Variants in ARPP19 observed in about 807,000 individuals in gnomAD.
ARPP19 encodes cAMP-regulated phosphoprotein 19.
In ARPP19, 8 loss-of-function variants were observed where a neutral mutation model predicts 12.0. That is an observed-to-expected ratio of 0.67 (90% confidence interval 0.39 to 1.21). ARPP19 has a LOEUF of 1.21. ARPP19 is among the 50% of genes most tolerant of loss of function. ARPP19 has a pLI of 0.01. For synonymous variants in ARPP19, 47 were observed against 50.4 expected (o/e 0.93, Z 0.29); for missense variants, 102 against 136.3 (o/e 0.75, Z 1.25).
intron 1 of ARPP19, among the ~76,000 whole-genome samples, chr15:52,562,573 G>C (rs960342355): frequency 2.0e-5 from 3 of 152,088 alleles, no homozygotes; most frequent in African/African-American, 7.2e-5. Flanking sequence ...CTGCTTGGGA[G>C]GCTGAGGTGG....
chr15:52,564,589 A>G (rs192914156), intron 1 of ARPP19, among the ~76,000 whole-genome samples: 1 of 152,200 alleles, frequency 6.6e-6, no homozygotes, highest in African/African-American at 2.4e-5. Context: ...TTCCTCTTCT[A>G]CCACTCATAA....
At chr15:52,555,750 T>C (rs2077976156) in intron 2 of ARPP19, among the ~76,000 whole-genome samples, 1 of 152,034 alleles carries the variant, frequency 6.6e-6, no homozygotes, top group South Asian at 2.1e-4. Flanking sequence ...AGCATATTAG[T>C]TTCATTCAAC....
chr15:52,562,109 C>T (rs968593828), intron 1 of ARPP19, among the ~76,000 whole-genome samples: 6 of 152,064 alleles, frequency 3.9e-5, no homozygotes, highest in Non-Finnish European at 5.9e-5. Flanking sequence ...AAAGCAAAAA[C>T]TGACAGAACT....
At chr15:52,568,644 C>A in intron 1 of ARPP19, 1 of 475,442 alleles carries the variant, frequency 2.1e-6, no homozygotes. Context: ...AGGCACGATT[C>A]GGAGTAAACG....
chr15:52,569,260 GCCC>G (rs1268886996), upstream of ARPP19: 25 of 304,626 alleles, frequency 8.2e-5, no homozygotes, highest in Non-Finnish European at 1.5e-4. Flanking sequence ...GCCCCTCCCC[GCCC>G]TTTCCTGTCC....
At chr15:52,554,702 T>A (rs937443038) in intron 2 of ARPP19, among the ~76,000 whole-genome samples, 6 of 152,026 alleles carry the variant, frequency 3.9e-5, no homozygotes, top group African/African-American at 1.2e-4. Flanking sequence ...ACAACTGGAT[T>A]CTCTGTTTTC....
chr15:52,567,070 G>GTCCT (rs1288526625), intron 1 of ARPP19, among the ~76,000 whole-genome samples: 2 of 152,186 alleles, frequency 1.3e-5, no homozygotes, highest in African/African-American at 2.4e-5. Context: ...CCAAATAGAA[G>GTCCT]AAACAGGTGA....
rs2077885613 is a variant in ARPP19, at chr15:52,547,272, C to A, written c.*4662G>T. On this transcript the variant is annotated 3_prime_UTR_variant, in exon 3 of 3. Transcript: ENST00000249822. ...GGTAGATCCATTTATTTTTTAAATA[C>A]AAGTATAATTTTGGAAGGGGTATTT... 1 of 152,020 alleles carries A rather than the reference C, an allele frequency of 6.6e-6. No homozygotes were observed. The highest frequency in any genetic ancestry group is 1.9e-4 in the East Asian group (1 of 5,174). 9.4% of individuals were successfully genotyped at this position (152,020 alleles called of 1,614,324 possible). A position where few individuals can be genotyped will look rare whatever the true frequency, so the allele number is the denominator to read the frequency against.
At position 52,548,914 on chromosome 15, in the gene ARPP19, A is replaced by T. The variant is rs553544109; in HGVS notation, c.*3020T>A. On this transcript the variant is annotated 3_prime_UTR_variant, in exon 3 of 3. Transcript: ENST00000249822. ...TGAAGTAGTAACAAGTAAAGGCTTC[A>T]CCAGGCTTTCCTTGATGAATAGTTA... is the stretch of plus-strand genomic sequence containing the variant. The T allele has an allele frequency of 2.0e-5, 3 of 152,784 alleles. No individual in the cohort carries two copies. The highest frequency in any genetic ancestry group is 7.2e-5 in the African/African-American group (3 of 41,590). The allele number at this position is 152,784 out of a possible 1,614,324, so 9.5% of individuals were successfully genotyped here.
intron 2 of ARPP19, 69 bp from the exon 3 acceptor site, chr15:52,552,173 C>T: frequency 1.2e-6 from 1 of 844,558 alleles, no homozygotes; most frequent in African/African-American, 1.7e-5. Context: ...TCGATGCAAC[C>T]CCATACTGTC....
intron 1 of ARPP19, among the ~76,000 whole-genome samples, chr15:52,562,893 A>T (rs2078048160): frequency 7.5e-6 from 1 of 133,080 alleles, no homozygotes. Context: ...TTTGAGACAG[A>T]GTCTCACTCT....
At chr15:52,568,728 A>AGCCTCGGCCTCATGC (rs1219954627) in intron 1 of ARPP19, 120 bp downstream of exon 1, 3 of 606,500 alleles carry the variant, frequency 4.9e-6, no homozygotes, top group East Asian at 3.5e-5. Context: ...GGGGCGCAGG[A>AGCCTCGGCCTCATGC]GCCTCGGCCT....
chr15:52,567,686 A>C (rs1432130410), intron 1 of ARPP19, among the ~76,000 whole-genome samples: 1 of 152,132 alleles, frequency 6.6e-6, no homozygotes, highest in Non-Finnish European at 1.5e-5. Flanking sequence ...GGTAACTTGG[A>C]CTTTTACCTA....
intron 2 of ARPP19, among the ~76,000 whole-genome samples, chr15:52,555,534 T>C (rs1309219709): frequency 6.6e-6 from 1 of 152,022 alleles, no homozygotes; most frequent in Non-Finnish European, 1.5e-5. Flanking sequence ...TTTAATCATT[T>C]CTCTGCTGTT....
At chr15:52,558,482 A>AAAAAG (rs559673591) in intron 1 of ARPP19, among the ~76,000 whole-genome samples, 30 of 149,082 alleles carry the variant, frequency 2.0e-4, no homozygotes, top group South Asian at 4.2e-4. Context: ...AAAAAAAAAA[A>AAAAAG]AAAGAAAGAA....
chr15:52,558,843 A>C (rs1026564689), intron 1 of ARPP19, among the ~76,000 whole-genome samples: 1 of 150,282 alleles, frequency 6.7e-6, no homozygotes, highest in Non-Finnish European at 1.5e-5. Flanking sequence ...CACGGGGGGG[A>C]AAAAATTACA....
chr15:52,564,132 G>GT (rs1219521726), intron 1 of ARPP19: 17 of 1,239,656 alleles, frequency 1.4e-5, no homozygotes, highest in Non-Finnish European at 1.3e-5. Context: ...ACAAACTGTT[G>GT]TATCGCAAAC....
At chr15:52,552,532 G>A (rs2077943593) in intron 2 of ARPP19, among the ~76,000 whole-genome samples, 1 of 142,398 alleles carries the variant, frequency 7.0e-6, no homozygotes, top group African/African-American at 2.6e-5. Context: ...AGGCTGCAGT[G>A]AGCCAAGATT....
At chr15:52,552,813 T>C (rs2077947560) in intron 2 of ARPP19, among the ~76,000 whole-genome samples, 1 of 152,052 alleles carries the variant, frequency 6.6e-6, no homozygotes, top group Non-Finnish European at 1.5e-5. Context: ...CTCATGCCTG[T>C]AATCCCAGCA....
Sources: allele counts gnomAD v4.1 joint callset (sites outside exome capture counted in the v4.1 genomes callset), GRCh38; gene constraint gnomAD v4.1.1; transcripts MANE v1.5; gene names NCBI Gene and HGNC (gene_info 2026-07-23, HGNC 2026-07-21).